Variants in FAM169A observed in about 807,000 individuals in gnomAD.
FAM169A encodes the protein soluble lamin-associated protein of 75 kDa.
In FAM169A, 24 loss-of-function variants were observed where a neutral mutation model predicts 75.7. The observed-to-expected ratio is 0.32, with a 90% CI of 0.23 to 0.45. The LOEUF is 0.45. Ranked by LOEUF, FAM169A falls within the 20% of genes least tolerant of loss-of-function variation. The probability of loss-of-function intolerance (pLI) is 1.00; values close to 1 mark genes in which losing one functional copy is unlikely to be tolerated. For synonymous variants in FAM169A, 271 were observed against 271.0 expected, an observed-to-expected ratio of 1.00 and a Z score of 0.00; for missense variants, 673 against 784.0, an observed-to-expected ratio of 0.86 and a Z score of 1.69.
At chr5:74,812,653 C>G (rs145313767) in intron 6 of FAM169A, among the ~76,000 whole-genome samples, 100 of 152,128 alleles carry the variant, frequency 6.6e-4, no homozygotes, top group Admixed American at 6.5e-4. Context: ...TAACCCCCCC[C>G]CAAAATGGTC....
In FAM169A at chr5:74,778,717, A is replaced by C. The variant is rs1236218949; in HGVS notation, c.*2743T>G. ...TGAATAATTTAAACTTGAAAGAACT[A>C]AAATACTAATAACCATCTGCTTTAT... On this transcript the variant is annotated 3_prime_UTR_variant, in exon 13 of 13. Transcript: ENST00000687041. 6.6e-6 allele frequency: 1 copy of C among 152,126 alleles called. No homozygotes were observed. The highest frequency in any genetic ancestry group is 1.5e-5 in the Non-Finnish European group (1 of 67,940). 9.4% of individuals were successfully genotyped at this position (152,126 alleles called of 1,614,324 possible). A position where few individuals can be genotyped will look rare whatever the true frequency, so the allele number is the denominator to read the frequency against.
chr5:74,793,025 A>C (rs1006376206), intron 11 of FAM169A, among the ~76,000 whole-genome samples: 3 of 152,218 alleles, frequency 2.0e-5, no homozygotes, highest in Admixed American at 1.3e-4. Context: ...TGAGTAGATA[A>C]AGAAAATGTG....
intron 12 of FAM169A, among the ~76,000 whole-genome samples, chr5:74,782,222 A>G (rs1745449275): frequency 6.6e-6 from 1 of 152,194 alleles, no homozygotes; most frequent in Non-Finnish European, 1.5e-5. Context: ...TAATTTTAAT[A>G]CTAAGTTATT....
intron 1 of FAM169A, among the ~76,000 whole-genome samples, chr5:74,850,261 G>C (rs1166741691): frequency 6.6e-6 from 1 of 152,184 alleles, no homozygotes; most frequent in African/African-American, 2.4e-5. Flanking sequence ...CCGGCAGTCG[G>C]ACTCCGATGT....
chr5:74,821,070 C>T (rs1475365493), intron 5 of FAM169A, among the ~76,000 whole-genome samples: 1 of 152,158 alleles, frequency 6.6e-6, no homozygotes, highest in Non-Finnish European at 1.5e-5. Context: ...TGCTGTCCCA[C>T]ACGTTCTATT....
chr5:74,813,857 G>A lies in FAM169A; in HGVS notation c.653C>T (p.Ser218Phe). The A allele has an allele frequency of 1.3e-6, 2 of 1,583,400 alleles. No homozygotes were observed. Among genetic ancestry groups the A allele is most frequent in the South Asian group, 2.4e-5 (2 of 84,708 alleles). Residue 218 changes from serine to phenylalanine, a missense_variant, in exon 6 of 13, where the codon TCT becomes TTT. Coordinates refer to ENST00000687041, the MANE Select transcript of FAM169A (RefSeq NM_001376049.1). Reference protein sequence around the residue: ...EDALGLRYPLSSLMYTACKQY... With the variant: ...EDALGLRYPLFSLMYTACKQY... ...CCATTTACCTGTATACATGAGAGAA[G>A]ACAGTGGATACCGCAAGCCAAGCGC...
intron 5 of FAM169A, among the ~76,000 whole-genome samples, chr5:74,822,048 C>T (rs1747790341): frequency 4.6e-5 from 7 of 152,162 alleles, no homozygotes; most frequent in Admixed American, 4.6e-4. Flanking sequence ...TCTAAGAGTG[C>T]CAAAGTGGAA....
intron 8 of FAM169A, among the ~76,000 whole-genome samples, chr5:74,803,236 AG>A (rs35825334): frequency 6.6e-6 from 1 of 152,132 alleles, no homozygotes; most frequent in African/African-American, 2.4e-5. Flanking sequence ...TTACATTTAT[AG>A]GAAGAGTAGA....
intron 1 of FAM169A, among the ~76,000 whole-genome samples, chr5:74,845,508 ACT>A (rs901504903): frequency 1.3e-5 from 2 of 152,222 alleles, no homozygotes; most frequent in Non-Finnish European, 2.9e-5. Context: ...ACAGAGCGAG[ACT>A]CTGTCTCAAA....
At chr5:74,840,216 G>T in intron 2 of FAM169A, 43 bp from the exon 3 acceptor site, 1 of 838,216 alleles carries the variant, frequency 1.2e-6, no homozygotes, top group Non-Finnish European at 1.9e-6. Flanking sequence ...AGTCTGTTAA[G>T]AAAATACATT....
chr5:74,813,754 A>C (rs1747328337), intron 6 of FAM169A, 86 bp downstream of exon 6: 1 of 1,021,778 alleles, frequency 9.8e-7, no homozygotes, highest in Non-Finnish European at 1.4e-6. Context: ...TGTGATACTG[A>C]TATATACACA....
At chr5:74,819,288 A>T (rs1284333224) in intron 5 of FAM169A, among the ~76,000 whole-genome samples, 1 of 152,202 alleles carries the variant, frequency 6.6e-6, no homozygotes, top group Non-Finnish European at 1.5e-5. Context: ...ATGGCCAATA[A>T]GCACGCAAAA....
At position 74,814,022 on chromosome 5, in the gene FAM169A, G is replaced by T; in HGVS notation, c.491-3C>A. 1 of 1,535,176 alleles carries T rather than the reference G, an allele frequency of 6.5e-7. No homozygotes were observed. The highest frequency in any genetic ancestry group is 1.3e-5 in the South Asian group (1 of 75,854). On this transcript the variant is annotated splice_region_variant and splice_polypyrimidine_tract_variant and intron_variant, in intron 5 of 12. Transcript: ENST00000687041. The stretch of plus-strand genomic sequence containing the variant: ...AAGAAAAGAGGCACATATGCTTCCT[G>T]CAGTAATAAGAACAGAAACCCAATA...
chr5:74,835,791 T>G (rs1422160236), intron 4 of FAM169A, among the ~76,000 whole-genome samples: 1 of 152,056 alleles, frequency 6.6e-6, no homozygotes, highest in Non-Finnish European at 1.5e-5. Context: ...CGACTAGCAA[T>G]AGCTTCCAAG....
intron 5 of FAM169A, among the ~76,000 whole-genome samples, chr5:74,829,351 G>A (rs1025033354): frequency 6.6e-6 from 1 of 152,094 alleles, no homozygotes; most frequent in Admixed American, 6.5e-5. Context: ...AGGTATTTGT[G>A]GATTTAGCAT....
At chr5:74,804,641 TC>T in intron 7 of FAM169A, 36 bp from the exon 8 acceptor site, 1 of 1,234,126 alleles carries the variant, frequency 8.1e-7, no homozygotes, top group Non-Finnish European at 1.2e-6. Flanking sequence ...TGTAACCGAA[TC>T]AGTATTTGGT....
intron 10 of FAM169A, among the ~76,000 whole-genome samples, chr5:74,798,380 T>C (rs547610338): frequency 8.6e-4 from 131 of 152,320 alleles, no homozygotes; most frequent in Non-Finnish European, 1.7e-3. Context: ...TAAAATATAT[T>C]GTTACCCTTC....
chr5:74,829,673 C>T (rs925665101), intron 5 of FAM169A, among the ~76,000 whole-genome samples: 2 of 151,962 alleles, frequency 1.3e-5, no homozygotes, highest in African/African-American at 2.4e-5. Context: ...AATAATTAAA[C>T]GACCCTTTAC....
At chr5:74,852,155 G>A (rs181487447) in intron 1 of FAM169A, among the ~76,000 whole-genome samples, 1 of 152,174 alleles carries the variant, frequency 6.6e-6, no homozygotes, top group East Asian at 1.9e-4. Flanking sequence ...ATCACTACCC[G>A]ACCAAACTCC....
Sources: gnomAD v4.1 joint callset for allele counts (sites outside exome capture counted in the v4.1 genomes callset) on GRCh38, gnomAD v4.1.1 for gene constraint, MANE v1.5 for transcripts, NCBI Gene and HGNC (gene_info 2026-07-23, HGNC 2026-07-21) for gene names.